ITGA1: variants seen among roughly 807,000 people sequenced by gnomAD.
ITGA1 encodes integrin subunit alpha 1.
In ITGA1, 85 loss-of-function variants were observed where a neutral mutation model predicts 145.9. The observed-to-expected ratio is 0.58, with a 90% CI of 0.49 to 0.70. ITGA1 has a LOEUF of 0.70. Among genes scored for constraint, ITGA1 ranks in the 30% least tolerant of loss-of-function variants. ITGA1 has a pLI of 0.00. For missense variants in ITGA1, 1,351 were observed against 1,418.7 expected, an observed-to-expected ratio of 0.95 and a Z score of 0.77; for synonymous variants, 520 against 495.3, an observed-to-expected ratio of 1.05 and a Z score of -0.66.
intron 3 of ITGA1, among the ~76,000 whole-genome samples, chr5:52,863,487 G>A (rs538031751): frequency 6.6e-6 from 1 of 152,028 alleles, no homozygotes; most frequent in African/African-American, 2.4e-5. Flanking sequence ...GGTGGGTTAG[G>A]GGTGGGGGAC....
At chr5:52,919,214 G>C (rs1750695832) in intron 16 of ITGA1, among the ~76,000 whole-genome samples, 1 of 152,152 alleles carries the variant, frequency 6.6e-6, no homozygotes, top group Non-Finnish European at 1.5e-5. Context: ...GTAGAGTTTA[G>C]AAATTGAGCT....
intron 1 of ITGA1, among the ~76,000 whole-genome samples, chr5:52,827,506 T>C (rs1005832377): frequency 6.6e-6 from 1 of 152,210 alleles, no homozygotes; most frequent in African/African-American, 2.4e-5. Flanking sequence ...AAGAAGTTTT[T>C]CTGTGGGTAA....
intron 7 of ITGA1, 83 bp from the exon 8 acceptor site, chr5:52,887,732 G>T (rs1299531725): frequency 7.4e-6 from 10 of 1,350,404 alleles, no homozygotes; most frequent in Non-Finnish European, 1.0e-5. Flanking sequence ...ACCTAGAGTA[G>T]TCAGTGTTTT....
Position 52,915,592 on chromosome 5 carries a change from C to T in ITGA1, c.1986C>T (p.Phe662=). The T allele has an allele frequency of 6.2e-7, 1 of 1,613,716 alleles. No individual in the cohort carries two copies. The highest frequency in any genetic ancestry group is 8.5e-7 in the Non-Finnish European group (1 of 1,179,880). The stretch of plus-strand genomic sequence containing the variant: ...GGGGCCTTGGTGGTGCTGCCCTCTT[C>T]TGGTATGTATTTTAATAACATCCTG... ...TIGGLGGAAL[F]WSRDVAVVKV... The change falls in exon 15 of 29, where the codon TTC becomes TTT. Residue 662 remains phenylalanine, a splice_region_variant and synonymous_variant. Transcript: ENST00000282588.
At chr5:52,928,488 T>C (rs951974906) in intron 20 of ITGA1, among the ~76,000 whole-genome samples, 22 of 152,224 alleles carry the variant, frequency 1.4e-4, no homozygotes, top group African/African-American at 5.3e-4. Flanking sequence ...GGTTTTAGTA[T>C]ATTCACCAAA....
At chr5:52,850,504 G>A (rs1309627257) in intron 2 of ITGA1, among the ~76,000 whole-genome samples, 2 of 151,812 alleles carry the variant, frequency 1.3e-5, no homozygotes. Flanking sequence ...GTAATAATAA[G>A]CAAAAAGAGA....
intron 2 of ITGA1, among the ~76,000 whole-genome samples, chr5:52,853,518 C>T (rs183441685): frequency 8.5e-4 from 130 of 152,284 alleles, no homozygotes; most frequent in Middle Eastern, 3.4e-3. Flanking sequence ...ACCCATCTTA[C>T]GTCGTGACTA....
chr5:52,867,089 G>A (rs1469817626), intron 6 of ITGA1: 4 of 150,984 alleles, frequency 2.6e-5, no homozygotes, highest in Non-Finnish European at 4.4e-5. Flanking sequence ...GACTGACTGC[G>A]TTAATGTTTG....
chr5:52,801,226 T>C (rs1469014962), intron 1 of ITGA1: 1 of 1,258,646 alleles, frequency 7.9e-7, no homozygotes, highest in Non-Finnish European at 1.1e-6. Flanking sequence ...AGTCTTTACT[T>C]AGCTGGGATT....
intron 1 of ITGA1, among the ~76,000 whole-genome samples, chr5:52,806,489 T>C (rs550196232): frequency 6.6e-6 from 1 of 152,118 alleles, no homozygotes; most frequent in African/African-American, 2.4e-5. Flanking sequence ...AGGTTAAAAA[T>C]ACCATTCAAA....
rs946502117 is a variant in ITGA1 at position 52,944,571 on chromosome 5, A to G, written c.3286-372A>G. On this transcript the variant is annotated intron_variant, in intron 26 of 28. Transcript: ENST00000282588. ...AGCCATCTTGTCCCCCTAGATCATC[A>G]ATTTCATTTTTAATCCTAAATAAGT... Among the ~76,000 whole-genome samples, 4 of 152,206 alleles carry G rather than the reference A, an allele frequency of 2.6e-5. No homozygotes were observed. In the South Asian group the frequency reaches 8.3e-4, roughly 32 times the overall value.
At chr5:52,882,150 C>A in intron 7 of ITGA1, 129 bp downstream of exon 7, 2 of 715,350 alleles carry the variant, frequency 2.8e-6, no homozygotes, top group Non-Finnish European at 4.3e-6. Flanking sequence ...AAATGAGATT[C>A]AGAAGATTAA....
chr5:52,807,831 T>A (rs1054391907), intron 1 of ITGA1, among the ~76,000 whole-genome samples: 21 of 152,204 alleles, frequency 1.4e-4, no homozygotes, highest in Admixed American at 3.3e-4. Flanking sequence ...GCTTTTTTTG[T>A]TGCTTAATTT....
intron 14 of ITGA1, among the ~76,000 whole-genome samples, chr5:52,911,757 G>A (rs1401100694): frequency 2.8e-5 from 3 of 107,596 alleles, no homozygotes; most frequent in Non-Finnish European, 6.3e-5. Context: ...TATACATATA[G>A]TGTATCTACT....
intron 17 of ITGA1, 85 bp downstream of exon 17, chr5:52,920,553 C>G: frequency 8.8e-7 from 1 of 1,134,464 alleles, no homozygotes; most frequent in Non-Finnish European, 1.2e-6. Context: ...CAAATTCTTA[C>G]TGTTTTATTT....
Position 52,958,163 on chromosome 5 carries a change from T to C in ITGA1, c.*5712T>C, listed in dbSNP as rs901263623. ...GCTGTGCAGAAGGGGACCACCACAC[T>C]TAGGACCAGTGCCAGGTGACAATCT... On this transcript the variant is annotated 3_prime_UTR_variant, in exon 29 of 29. Coordinates refer to ENST00000282588, the MANE Select transcript of ITGA1 (RefSeq NM_181501.2). 1.3e-5 allele frequency: 2 copies of C among 152,112 alleles called. No homozygotes were observed. Among genetic ancestry groups the C allele is most frequent in the Non-Finnish European group, 2.9e-5 (2 of 68,028 alleles). The allele number at this position is 152,112 out of a possible 1,614,324, so 9.4% of individuals were successfully genotyped here.
chr5:52,870,202 G>C (rs1005437093), intron 6 of ITGA1, among the ~76,000 whole-genome samples: 20 of 152,040 alleles, frequency 1.3e-4, no homozygotes, highest in Non-Finnish European at 2.4e-4. Context: ...TTGTTTGTTT[G>C]TTTTTAGTTT....
At chr5:52,842,269 C>G (rs1199062798) in intron 1 of ITGA1, among the ~76,000 whole-genome samples, 1 of 152,128 alleles carries the variant, frequency 6.6e-6, no homozygotes, top group Non-Finnish European at 1.5e-5. Context: ...TGTACTCCTC[C>G]TCCCTGGCTA....
chr5:52,929,633 C>A lies in ITGA1; in HGVS notation c.2703C>A (p.Phe901Leu). 1 of 1,532,412 alleles carries A rather than the reference C, an allele frequency of 6.5e-7. No individual in the cohort carries two copies. Among genetic ancestry groups the A allele is most frequent in the South Asian group, 1.2e-5 (1 of 86,606 alleles). 94.9% of individuals were successfully genotyped at this position (1,532,412 alleles called of 1,614,324 possible). A position where few individuals can be genotyped will look rare whatever the true frequency, so the allele number is the denominator to read the frequency against. The change falls in exon 21 of 29, where the codon TTC (phenylalanine) becomes TTA (leucine). Residue 901 changes from phenylalanine (F) to leucine (L), a missense_variant. Transcript: ENST00000282588. ...PFLRRGEMVT[F>L]KILFQFNTSY... ...ATATTTTTATTTTATAGGTAACTTT[C>A]AAAATATTGTTTCAGTTTAACACAT...
Sources: allele counts gnomAD v4.1 joint callset (sites outside exome capture counted in the v4.1 genomes callset), GRCh38; gene constraint gnomAD v4.1.1; transcripts MANE v1.5; gene names NCBI Gene and HGNC (gene_info 2026-07-23, HGNC 2026-07-21).